Variants in ZNF469 observed in about 807,000 individuals in gnomAD.
ZNF469 encodes zinc finger protein 469.
ZNF469 carries 1 observed loss-of-function variant against 1.0 expected under a neutral mutation model. The ratio of observed to expected loss-of-function variants is 1.00; its 90% CI spans 0.35 to 4.73. The LOEUF is 4.73. Among genes scored for constraint, ZNF469 ranks in the 30% most tolerant of loss-of-function variants. ZNF469 has a pLI of 0.16. For synonymous variants in ZNF469, 2,703 were observed against 2,363.4 expected, an observed-to-expected ratio of 1.14 and a Z score of -4.17; for missense variants, 6,100 against 5,356.3, an observed-to-expected ratio of 1.14 and a Z score of -4.33.
At chr16:88,145,989 A>C in the ZNF469 span, among the ~76,000 whole-genome samples, 1 of 152,174 alleles carries the variant, frequency 6.6e-6, no homozygotes, top group Non-Finnish European at 1.5e-5. Flanking sequence ...GTGTTGGGAG[A>C]CTGGGCCACT....
the ZNF469 span, among the ~76,000 whole-genome samples, chr16:88,355,437 C>G: frequency 6.6e-6 from 1 of 152,354 alleles, no homozygotes; most frequent in Admixed American, 6.5e-5. Context: ...GCTCCATGTT[C>G]ATCTTCCCGC....
chr16:88,182,452 C>T, the ZNF469 span, among the ~76,000 whole-genome samples: 9 of 151,956 alleles, frequency 5.9e-5, no homozygotes, highest in African/African-American at 1.9e-4. Context: ...TCTTCCAAAT[C>T]TTCTTTGGAA....
rs1390853993 is a variant in ZNF469, at chr16:88,424,508, C to T, written c.-191-299C>T. ...CTGGAGCTTCGGAGCTGCATGTACA[C>T]ACAATCTATGCGTACATAAAGACCC... On this transcript the variant is annotated intron_variant, in intron 1 of 2. Coordinates refer to ENST00000565624, the MANE Select transcript of ZNF469 (RefSeq NM_001367624.2). The surrounding 1 kb of genome is among the most constrained non-coding windows in gnomAD (Gnocchi z 4.3). Among the ~76,000 whole-genome samples, 1 of 152,170 alleles carries T rather than the reference C, an allele frequency of 6.6e-6. No individual in the cohort carries two copies.
chr16:88,247,187 T>G, the ZNF469 span, among the ~76,000 whole-genome samples: 1 of 151,014 alleles, frequency 6.6e-6, no homozygotes, highest in South Asian at 2.1e-4. Context: ...AATGAGTGAG[T>G]GAATCAGCGA....
At chr16:88,134,660 C>T in the ZNF469 span, among the ~76,000 whole-genome samples, 2 of 152,238 alleles carry the variant, frequency 1.3e-5, no homozygotes, top group Non-Finnish European at 2.9e-5. Context: ...CTGCCGACCC[C>T]GTGTGGGTGT....
the ZNF469 span, among the ~76,000 whole-genome samples, chr16:88,291,887 A>T: frequency 6.6e-6 from 1 of 151,512 alleles, no homozygotes; most frequent in Non-Finnish European, 1.5e-5. Context: ...GTGCCTTCAG[A>T]CCCCTCTGTT....
chr16:88,269,673 G>C, the ZNF469 span, among the ~76,000 whole-genome samples: 1 of 151,992 alleles, frequency 6.6e-6, no homozygotes, highest in Non-Finnish European at 1.5e-5. Flanking sequence ...CACGTCTTCT[G>C]CACCTGCTGG....
chr16:88,322,154 C>T, the ZNF469 span, among the ~76,000 whole-genome samples: 3 of 152,238 alleles, frequency 2.0e-5, no homozygotes, highest in South Asian at 2.1e-4. Context: ...CGACCCTCCC[C>T]GCGGCCTCGG....
chr16:88,316,265 C>T, the ZNF469 span, among the ~76,000 whole-genome samples: 5 of 152,324 alleles, frequency 3.3e-5, no homozygotes, highest in South Asian at 6.2e-4. Context: ...ATACCTTGGG[C>T]GAGTGTGATC....
the ZNF469 span, among the ~76,000 whole-genome samples, chr16:88,330,676 G>A: frequency 5.3e-5 from 8 of 152,176 alleles, no homozygotes; most frequent in African/African-American, 9.7e-5. Flanking sequence ...CACAGGAGGT[G>A]AGAGACTTCT....
the ZNF469 span, among the ~76,000 whole-genome samples, chr16:88,179,626 A>T: frequency 6.6e-6 from 1 of 152,252 alleles, no homozygotes. Flanking sequence ...CAGAAACTCC[A>T]GCAGGGGCCT....
the ZNF469 span, among the ~76,000 whole-genome samples, chr16:88,282,999 C>G: frequency 3.3e-5 from 5 of 152,304 alleles, no homozygotes; most frequent in Middle Eastern, 3.4e-3. Context: ...CCCAGCGATT[C>G]CCTCCGGAGT....
chr16:88,200,463 C>T, the ZNF469 span, among the ~76,000 whole-genome samples: 984 of 152,312 alleles, frequency 6.5e-3, 16 homozygotes, highest in South Asian at 0.054. Flanking sequence ...AACAGAAGGC[C>T]GGCAGGGAGC....
the ZNF469 span, among the ~76,000 whole-genome samples, chr16:88,208,638 A>AGG: frequency 1.6e-5 from 2 of 121,642 alleles, no homozygotes; most frequent in African/African-American, 5.9e-5. Flanking sequence ...GGAGGGAGAG[A>AGG]AGAAGGAAGA....
the ZNF469 span, among the ~76,000 whole-genome samples, chr16:88,242,092 C>T: frequency 7.9e-5 from 12 of 152,302 alleles, no homozygotes; most frequent in Admixed American, 4.6e-4. Context: ...CCCTGGACGT[C>T]GCAGACAGCA....
chr16:88,218,127 TGC>T, the ZNF469 span, among the ~76,000 whole-genome samples: 3 of 146,586 alleles, frequency 2.0e-5, no homozygotes, highest in African/African-American at 7.6e-5. Context: ...TTTTAATGAT[TGC>T]CATTCTAACT....
chr16:88,226,694 C>A, the ZNF469 span, among the ~76,000 whole-genome samples: 2 of 151,794 alleles, frequency 1.3e-5, no homozygotes, highest in Non-Finnish European at 2.9e-5. Context: ...CCTCGAATGT[C>A]CCCTGGCAGA....
the ZNF469 span, among the ~76,000 whole-genome samples, chr16:88,324,460 C>T: frequency 6.6e-6 from 1 of 152,206 alleles, no homozygotes; most frequent in African/African-American, 2.4e-5. Context: ...GCTGTCCTCT[C>T]CTATGGCTGT....
intron 2 of ZNF469, among the ~76,000 whole-genome samples, chr16:88,426,304 G>T (rs1390911364): frequency 6.6e-6 from 1 of 152,250 alleles, no homozygotes; most frequent in African/African-American, 2.4e-5. Context: ...CAAGGACAAT[G>T]CCTGCAAGGG....
Sources: allele counts gnomAD v4.1 joint callset (sites outside exome capture counted in the v4.1 genomes callset), GRCh38; gene constraint gnomAD v4.1.1; non-coding constraint Gnocchi (gnomAD v3.1); transcripts MANE v1.5; gene names NCBI Gene and HGNC (gene_info 2026-07-23, HGNC 2026-07-21).